GALNTL6: variants seen among roughly 807,000 people sequenced by gnomAD.
GALNTL6 encodes the protein polypeptide N-acetylgalactosaminyltransferase like 6.
A neutral mutation model predicts 73.7 loss-of-function variants in GALNTL6; 46 were observed. The ratio of observed to expected loss-of-function variants is 0.62; its 90% confidence interval spans 0.49 to 0.80. GALNTL6 has a LOEUF of 0.80. GALNTL6 is among the 30% of genes least tolerant of loss of function. The pLI is 0.00. For synonymous variants in GALNTL6, 259 were observed against 263.7 expected (o/e 0.98, Z 0.17); for missense variants, 604 against 755.0 (o/e 0.80, Z 2.34).
intron 5 of GALNTL6, among the ~76,000 whole-genome samples, chr4:172,404,395 A>G (rs1185301097): frequency 3.9e-5 from 6 of 152,054 alleles, no homozygotes; most frequent in African/African-American, 1.4e-4. Context: ...CACAAACTGA[A>G]TGAAGAGCTT....
intron 7 of GALNTL6, among the ~76,000 whole-genome samples, chr4:172,868,291 C>A (rs1334463183): frequency 6.6e-6 from 1 of 152,092 alleles, no homozygotes; most frequent in Non-Finnish European, 1.5e-5. Flanking sequence ...AAATGGAGAC[C>A]CTGCCTCCAC....
At chr4:172,704,142 C>T (rs1037296315) in intron 5 of GALNTL6, among the ~76,000 whole-genome samples, 7 of 151,776 alleles carry the variant, frequency 4.6e-5, no homozygotes, top group Admixed American at 6.6e-5. Flanking sequence ...TTTTAAAAAA[C>T]CAACTTTTTA....
chr4:173,037,158 G>A (rs1227058718), intron 12 of GALNTL6, among the ~76,000 whole-genome samples: 2 of 152,214 alleles, frequency 1.3e-5, no homozygotes, highest in East Asian at 1.9e-4. Flanking sequence ...CAAGACAAGG[G>A]TGAGCAGAGC....
chr4:172,092,648 A>G (rs1284476941), intron 2 of GALNTL6, among the ~76,000 whole-genome samples: 1 of 152,094 alleles, frequency 6.6e-6, no homozygotes, highest in Non-Finnish European at 1.5e-5. Context: ...TCAAAACGCA[A>G]AAACTTTTAC....
intron 7 of GALNTL6, among the ~76,000 whole-genome samples, chr4:172,842,857 A>C (rs1476842142): frequency 1.3e-5 from 2 of 152,110 alleles, no homozygotes; most frequent in African/African-American, 2.4e-5. Context: ...CAGTTTTACT[A>C]TAACCAAAGT....
chr4:173,026,478 A>G (rs1244337015), intron 12 of GALNTL6, among the ~76,000 whole-genome samples: 1 of 152,244 alleles, frequency 6.6e-6, no homozygotes, highest in Non-Finnish European at 1.5e-5. Context: ...AGAGAGATGC[A>G]GTGACATCCG....
intron 2 of GALNTL6, chr4:172,052,624 G>T (rs1056166818): frequency 1.2e-5 from 9 of 733,826 alleles, no homozygotes; most frequent in Non-Finnish European, 2.0e-5. Flanking sequence ...AGGACTTTAG[G>T]GTCACGTAGT....
rs528372225 is a variant in GALNTL6, at chr4:172,069,369, G to GTA, written c.139-160279_139-160278dup. On this transcript the variant is annotated intron_variant, in intron 2 of 12. Transcript: ENST00000506823. ...AATCAATTATAAATATATGTAGTGT[G>GTA]TATATATATGTGTGTGTACATATGT... 1.3e-4 allele frequency among the ~76,000 whole-genome samples: 12 copies of GTA among 94,494 alleles called. 4 individuals carry two copies. The highest frequency in any genetic ancestry group is 2.2e-4 in the Non-Finnish European group (10 of 44,452). The allele number at this position is 94,494 out of a possible 152,430, so 62.0% of individuals were successfully genotyped here. A position where few individuals can be genotyped will look rare whatever the true frequency, so the allele number is the denominator to read the frequency against.
intron 2 of GALNTL6, among the ~76,000 whole-genome samples, chr4:171,858,749 A>G (rs1395741539): frequency 6.6e-6 from 1 of 152,114 alleles, no homozygotes; most frequent in African/African-American, 2.4e-5. Flanking sequence ...CAAAAGCATA[A>G]AAGGAATGCT....
chr4:172,902,504 C>A (rs1423666778), intron 8 of GALNTL6, among the ~76,000 whole-genome samples: 1 of 152,110 alleles, frequency 6.6e-6, no homozygotes, highest in African/African-American at 2.4e-5. Context: ...CAGGAGCTTG[C>A]CAACATGGTC....
intron 5 of GALNTL6, among the ~76,000 whole-genome samples, chr4:172,429,808 C>T (rs186810802): frequency 2.0e-5 from 3 of 152,198 alleles, no homozygotes; most frequent in Admixed American, 1.3e-4. Context: ...TATAGTAATA[C>T]ACAGGAGAAG....
At chr4:172,338,106 T>A (rs953640434) in intron 4 of GALNTL6, among the ~76,000 whole-genome samples, 5 of 152,190 alleles carry the variant, frequency 3.3e-5, no homozygotes, top group Non-Finnish European at 5.9e-5. Flanking sequence ...CTAAGTGAAT[T>A]TTTTAATTCT....
At chr4:171,865,145 T>C (rs1477335116) in intron 2 of GALNTL6, among the ~76,000 whole-genome samples, 13 of 148,922 alleles carry the variant, frequency 8.7e-5, no homozygotes, top group Admixed American at 8.7e-4. Context: ...AAACTCTGTC[T>C]CAAAAAAAAA....
chr4:172,353,092 A>G lies in GALNTL6; in HGVS notation c.553+4403A>G, dbSNP rs990522749. ...CAGAATCTGCATTTCAACAGGATCTATGTGTACTTTCTATAGGAATTAAAG... is the reference window on the plus strand; with the variant it reads ...CAGAATCTGCATTTCAACAGGATCTGTGTGTACTTTCTATAGGAATTAAAG... On this transcript the variant is annotated intron_variant, in intron 5 of 12. Transcript: ENST00000506823. Among the ~76,000 whole-genome samples the G allele has an allele frequency of 2.0e-5, 3 of 152,086 alleles. No homozygotes were observed. The East Asian group carries it at 5.8e-4, about 29-fold the overall frequency.
At position 172,577,374 on chromosome 4, in the gene GALNTL6, A is replaced by G. The variant is rs538753458; in HGVS notation, c.553+228685A>G. Reference sequence around the variant, plus strand: ...ATCAGTTTGTTCCCTTCGAATTTTTATCCCTCTGTGTCCAGAGTACCAACC... The same window carrying G: ...ATCAGTTTGTTCCCTTCGAATTTTTGTCCCTCTGTGTCCAGAGTACCAACC... On this transcript the variant is annotated intron_variant, in intron 5 of 12. Coordinates refer to ENST00000506823, the MANE Select transcript of GALNTL6 (RefSeq NM_001034845.3). 1.1e-4 allele frequency among the ~76,000 whole-genome samples: 16 copies of G among 152,364 alleles called. 1 individual carries two copies. In the South Asian group the frequency reaches 3.1e-3, roughly 30 times the overall value.
intron 5 of GALNTL6, among the ~76,000 whole-genome samples, chr4:172,605,023 A>G (rs1738202266): frequency 6.6e-6 from 1 of 152,214 alleles, no homozygotes; most frequent in Non-Finnish European, 1.5e-5. Flanking sequence ...ACACTTTTGT[A>G]ACTGTGAAAG....
At chr4:172,232,671 A>C (rs1737109234) in intron 3 of GALNTL6, among the ~76,000 whole-genome samples, 1 of 152,158 alleles carries the variant, frequency 6.6e-6, no homozygotes, top group African/African-American at 2.4e-5. Context: ...ACTGCTGTAC[A>C]TCCTTGTGAA....
intron 5 of GALNTL6, among the ~76,000 whole-genome samples, chr4:172,762,854 A>C (rs1738197654): frequency 6.6e-6 from 1 of 151,976 alleles, no homozygotes; most frequent in Non-Finnish European, 1.5e-5. Flanking sequence ...TGGAGGACTC[A>C]AAGATCAGAA....
intron 5 of GALNTL6, among the ~76,000 whole-genome samples, chr4:172,690,945 T>A (rs996019917): frequency 6.6e-6 from 1 of 152,138 alleles, no homozygotes; most frequent in Admixed American, 6.5e-5. Flanking sequence ...ATTGTAGAAA[T>A]ACAATACTCT....
Sources: gnomAD v4.1 joint callset for allele counts (sites outside exome capture counted in the v4.1 genomes callset) on GRCh38, gnomAD v4.1.1 for gene constraint, MANE v1.5 for transcripts, NCBI Gene and HGNC (gene_info 2026-07-23, HGNC 2026-07-21) for gene names.